The following HIC2 variants were observed in gnomAD, a reference collection of about 807,000 sequenced individuals.
HIC2 encodes the protein HIC ZBTB transcriptional repressor 2.
HIC2 carries 2 observed loss-of-function variants against 39.5 expected under a neutral mutation model. The ratio of observed to expected loss-of-function variants is 0.05; its 90% confidence interval spans 0.02 to 0.16. The LOEUF (loss-of-function observed/expected upper bound fraction) is 0.16. Ranked by LOEUF, HIC2 falls within the 10% of genes least tolerant of loss-of-function variation. The pLI is 1.00. For synonymous variants in HIC2, 399 were observed against 368.8 expected (o/e 1.08, Z -0.94); for missense variants, 713 against 863.5 (o/e 0.83, Z 2.18).
At position 21,445,794 on chromosome 22, in the gene HIC2, G is replaced by T; in HGVS notation, c.899G>T (p.Gly300Val). The T allele has an allele frequency of 6.3e-7, 1 of 1,599,550 alleles. No homozygotes were observed. Among genetic ancestry groups the T allele is most frequent in the East Asian group, 2.2e-5 (1 of 44,704 alleles). ...AGTGCCTCTTATTCTGAGCTGGGGG[G>T]CACCCCTGATGAGCCCATGGATCTG... ...ANSASYSELGGTPDEPMDLEG... is the reference protein window; with the variant it reads ...ANSASYSELGVTPDEPMDLEG... Residue 300 changes from glycine to valine, a missense_variant, in exon 3 of 3, where the codon GGC (glycine) becomes GTC (valine). Around this residue, in one of 5 missense-constraint regions of HIC2, gnomAD observed 457 missense variants for 420.2 expected, o/e 1.09. Coordinates refer to ENST00000407464, the MANE Select transcript of HIC2 (RefSeq NM_015094.3).
intron 1 of HIC2, among the ~76,000 whole-genome samples, chr22:21,426,589 C>T (rs1185695321): frequency 8.3e-6 from 1 of 121,096 alleles, no homozygotes; most frequent in Non-Finnish European, 1.7e-5. Flanking sequence ...TTGCCTCAGC[C>T]TCCCAAGTAG....
intron 2 of HIC2, among the ~76,000 whole-genome samples, chr22:21,444,043 G>A (rs995712456): frequency 2.6e-5 from 4 of 152,214 alleles, no homozygotes; most frequent in African/African-American, 9.7e-5. Context: ...AGGAGCACCC[G>A]CTCAGAACCC....
intron 1 of HIC2, among the ~76,000 whole-genome samples, chr22:21,432,505 C>T (rs1222650153): frequency 2.3e-5 from 2 of 86,078 alleles, no homozygotes; most frequent in Admixed American, 1.1e-4. Context: ...GGAGAAACCC[C>T]GTCTCTACTA....
At position 21,445,690 on chromosome 22, in the gene HIC2, C is replaced by A. The variant is rs753924289; in HGVS notation, c.795C>A (p.Leu265=). ...CCCCTGCCACCCCAGGTCCCCACCTCACTCCCGATGACGCAGCCCAGCTGA... is the reference window on the plus strand; with the variant it reads ...CCCCTGCCACCCCAGGTCCCCACCTAACTCCCGATGACGCAGCCCAGCTGA... ...PLPPATPGPH[L]TPDDAAQLSD... The change falls in exon 3 of 3, where the codon CTC becomes CTA. Residue 265 remains leucine (L), a synonymous_variant. Coordinates refer to ENST00000407464, the MANE Select transcript of HIC2 (RefSeq NM_015094.3). 1 of 1,611,918 alleles carries A rather than the reference C, an allele frequency of 6.2e-7. No individual in the cohort carries two copies. The highest frequency in any genetic ancestry group is 2.2e-5 in the East Asian group (1 of 44,874).
intron 1 of HIC2, among the ~76,000 whole-genome samples, chr22:21,425,475 T>C (rs1199209130): frequency 6.7e-6 from 1 of 148,808 alleles, no homozygotes; most frequent in Non-Finnish European, 1.5e-5. Context: ...TTCAAGTCAT[T>C]CTCGTGCCTC....
intron 1 of HIC2, among the ~76,000 whole-genome samples, chr22:21,425,792 A>G (rs1173857356): frequency 6.9e-6 from 1 of 145,202 alleles, no homozygotes; most frequent in African/African-American, 2.5e-5. Flanking sequence ...GCTCACTGCA[A>G]CCTCCGCCTC....
rs1206593433 is a variant in HIC2 at position 21,450,316 on chromosome 22, A to G, written c.*3573A>G. ...ATAGCCATACACCTCAGCCTGTGAAATGAACGATCCGGACCCTCACCAACT... is the reference window on the plus strand; with the variant it reads ...ATAGCCATACACCTCAGCCTGTGAAGTGAACGATCCGGACCCTCACCAACT... On this transcript the variant is annotated 3_prime_UTR_variant, in exon 3 of 3. Transcript: ENST00000407464. The G allele has an allele frequency of 6.5e-6, 1 of 152,794 alleles. No individual in the cohort carries two copies. Among genetic ancestry groups the G allele is most frequent in the Non-Finnish European group, 1.5e-5 (1 of 68,058 alleles). 9.5% of individuals were successfully genotyped at this position (152,794 alleles called of 1,614,324 possible).
rs980667840 is a variant in HIC2, at chr22:21,450,948, C to T, written c.*4205C>T. 1 of 152,840 alleles carries T rather than the reference C, an allele frequency of 6.5e-6. No homozygotes were observed. The highest frequency in any genetic ancestry group is 1.5e-5 in the Non-Finnish European group (1 of 68,072). 9.5% of individuals were successfully genotyped at this position (152,840 alleles called of 1,614,324 possible). A position where few individuals can be genotyped will look rare whatever the true frequency, so the allele number is the denominator to read the frequency against. On this transcript the variant is annotated 3_prime_UTR_variant, in exon 3 of 3. Coordinates refer to ENST00000407464, the MANE Select transcript of HIC2 (RefSeq NM_015094.3). Reference sequence around the variant, plus strand: ...TAATTTATTGACCTCAAAAATGCTGCATAACAGACCTCACTGGGGCAGGGA... The same window carrying T: ...TAATTTATTGACCTCAAAAATGCTGTATAACAGACCTCACTGGGGCAGGGA...
rs1923782616 is a variant in HIC2 at position 21,445,812 on chromosome 22, T to C, written c.917T>C (p.Met306Thr). Residue 306 changes from methionine (M) to threonine (T), a missense_variant, in exon 3 of 3, where the codon ATG (methionine) becomes ACG (threonine). Physicochemically the swap from Met to Thr is moderately conservative, Grantham distance 81. Around this residue, in one of 5 missense-constraint regions of HIC2, gnomAD observed 457 missense variants for 420.2 expected, o/e 1.09. Transcript: ENST00000407464. ...CTGGGGGGCACCCCTGATGAGCCCATGGATCTGGAGGGGGCCGAGGACAAC... is the reference window on the plus strand; with the variant it reads ...CTGGGGGGCACCCCTGATGAGCCCACGGATCTGGAGGGGGCCGAGGACAAC... The part of the protein sequence containing the change: ...SELGGTPDEP[M>T]DLEGAEDNHL... The C allele has an allele frequency of 1.3e-6, 2 of 1,593,402 alleles. No individual in the cohort carries two copies. The highest frequency in any genetic ancestry group is 2.7e-5 in the African/African-American group (2 of 74,268).
intron 1 of HIC2, among the ~76,000 whole-genome samples, chr22:21,417,977 C>T (rs1173379639): frequency 1.4e-5 from 2 of 147,906 alleles, no homozygotes; most frequent in Non-Finnish European, 3.0e-5. Context: ...AACGGCCCTG[C>T]GCCCGCGTTC....
At chr22:21,432,128 A>G (rs1195188103) in intron 1 of HIC2, among the ~76,000 whole-genome samples, 1 of 98,134 alleles carries the variant, frequency 1.0e-5, no homozygotes, top group African/African-American at 3.8e-5. Context: ...ATGAAGGAGC[A>G]AGTGGGCTGT....
Position 21,418,033 on chromosome 22 carries a change from C to T in HIC2, c.-74+473C>T, listed in dbSNP as rs1285559453. The stretch of plus-strand genomic sequence containing the variant: ...TGCGATTTCCAGGACTGCGGTCCTG[C>T]ACCGTCTGCGGTCTCCTCTCCTCTT... On this transcript the variant is annotated intron_variant, in intron 1 of 2. Transcript: ENST00000407464. Among the ~76,000 whole-genome samples the T allele has an allele frequency of 8.9e-5, 13 of 146,814 alleles. 1 individual carries two copies. The East Asian group carries it at 2.4e-3, about 28-fold the overall frequency.
rs145408454 is a variant in HIC2, at chr22:21,446,662, C to T, written c.1767C>T (p.Tyr589=). 14 of 1,613,798 alleles carry T rather than the reference C, an allele frequency of 8.7e-6. No individual in the cohort carries two copies. Among genetic ancestry groups the T allele is most frequent in the African/African-American group, 2.7e-5 (2 of 74,934 alleles). Residue 589 remains tyrosine, a synonymous_variant, in exon 3 of 3, where the codon TAC becomes TAT. Transcript: ENST00000407464. ...HMRVHSGEKP[Y]ECQLCGGKFT... is the part of the protein sequence containing the mutation. ...GTGTGCACTCGGGCGAGAAACCTTA[C>T]GAGTGCCAGCTGTGCGGGGGCAAGT... is the stretch of plus-strand genomic sequence containing the variant.
intron 1 of HIC2, among the ~76,000 whole-genome samples, chr22:21,417,984 G>C (rs1295138379): frequency 1.4e-5 from 2 of 147,866 alleles, no homozygotes; most frequent in Non-Finnish European, 3.0e-5. Context: ...CTGCGCCCGC[G>C]TTCGCCCCCT....
At chr22:21,444,521 C>T (rs1003198360) in intron 2 of HIC2, among the ~76,000 whole-genome samples, 1 of 152,232 alleles carries the variant, frequency 6.6e-6, no homozygotes, top group African/African-American at 2.4e-5. Flanking sequence ...CCTCTGCTTC[C>T]CGAAGTTTAA....
In HIC2 at chr22:21,445,156, G is replaced by T; in HGVS notation, c.261G>T (p.Met87Ile). ...ACCTCATCAACCTGGACACAGACAT[G>T]GTCAGCTCCACAGTGTTCCAGCAGA... ...HDNLINLDTD[M>I]VSSTVFQQIL... The change falls in exon 3 of 3, where the codon ATG (methionine) becomes ATT (isoleucine). Residue 87 changes from methionine (M) to isoleucine (I), a missense_variant. This residue lies in a region of HIC2 where 102 missense variants were observed against 187.1 expected (regional missense o/e 0.55). Coordinates refer to ENST00000407464, the MANE Select transcript of HIC2 (RefSeq NM_015094.3). The T allele has an allele frequency of 6.2e-7, 1 of 1,614,196 alleles. No individual in the cohort carries two copies. Among genetic ancestry groups the T allele is most frequent in the Non-Finnish European group, 8.5e-7 (1 of 1,180,040 alleles).
chr22:21,421,899 G>A (rs991809880), intron 1 of HIC2, among the ~76,000 whole-genome samples: 6 of 35,582 alleles, frequency 1.7e-4, no homozygotes, highest in African/African-American at 3.3e-4. Context: ...TCCTGGCTCT[G>A]GCAGGGGTGT....
rs1923773722 is a variant in HIC2 at position 21,445,727 on chromosome 22, C to T, written c.832C>T (p.His278Tyr). The change falls in exon 3 of 3, where the codon CAT becomes TAT. Residue 278 changes from histidine to tyrosine, a missense_variant. This residue lies in a region of HIC2 where 457 missense variants were observed against 420.2 expected (regional missense o/e 1.09). Coordinates refer to ENST00000407464, the MANE Select transcript of HIC2 (RefSeq NM_015094.3). ...CGCAGCCCAGCTGAGCGACAGCCAA[C>T]ATGGCTCGCCCCCTGCGGCCTCTGC... Reference protein sequence around the residue: ...DDAAQLSDSQHGSPPAASAPP... With the variant: ...DDAAQLSDSQYGSPPAASAPP... The T allele has an allele frequency of 3.7e-6, 6 of 1,611,494 alleles. No homozygotes were observed. The East Asian group carries it at 1.3e-4, about 36-fold the overall frequency.
At chr22:21,443,927 T>G (rs1923659543) in intron 2 of HIC2, among the ~76,000 whole-genome samples, 1 of 152,198 alleles carries the variant, frequency 6.6e-6, no homozygotes. Context: ...CCCCGGCGTC[T>G]ATCTGGTGCC....
Sources: gnomAD v4.1 joint callset for allele counts (sites outside exome capture counted in the v4.1 genomes callset) on GRCh38, gnomAD v4.1.1 for gene constraint, gnomAD v4.1.1 regional missense constraint, MANE v1.5 for transcripts, NCBI Gene and HGNC (gene_info 2026-07-23, HGNC 2026-07-21) for gene names.